The following UNC13B variants were observed in gnomAD, a reference collection of about 807,000 sequenced individuals.
The protein encoded by UNC13B is unc-13 homolog B.
In UNC13B, 144 loss-of-function variants were observed where a neutral mutation model predicts 211.0. That is an observed-to-expected ratio of 0.68 (90% confidence interval 0.60 to 0.78). The LOEUF is 0.78. Ranked by LOEUF, UNC13B falls within the 30% of genes least tolerant of loss-of-function variation. UNC13B has a pLI of 0.00. For missense variants in UNC13B, 1,777 were observed against 2,002.0 expected, an observed-to-expected ratio of 0.89 and a Z score of 2.14; for synonymous variants, 709 against 725.8, an observed-to-expected ratio of 0.98 and a Z score of 0.37.
chr9:35,360,050 T>G (rs1372101860), intron 11 of UNC13B, among the ~76,000 whole-genome samples: 1 of 152,230 alleles, frequency 6.6e-6, no homozygotes, highest in Non-Finnish European at 1.5e-5. Flanking sequence ...CACCTCAGGC[T>G]TTGCATTTGC....
At chr9:35,284,902 T>G (rs548919587) in intron 7 of UNC13B, among the ~76,000 whole-genome samples, 21 of 152,360 alleles carry the variant, frequency 1.4e-4, no homozygotes, top group Admixed American at 1.1e-3. Context: ...TAGCCAGTAC[T>G]GGACTACTAA....
At chr9:35,349,105 A>AG (rs1244745241) in intron 11 of UNC13B, among the ~76,000 whole-genome samples, 1 of 152,040 alleles carries the variant, frequency 6.6e-6, no homozygotes, top group Non-Finnish European at 1.5e-5. Flanking sequence ...TTTAATAGAG[A>AG]GGGGGTTTCA....
intron 1 of UNC13B, among the ~76,000 whole-genome samples, chr9:35,222,031 C>T (rs574468591): frequency 6.6e-6 from 1 of 152,218 alleles, no homozygotes; most frequent in South Asian, 2.1e-4. Context: ...CTTTTTATGC[C>T]AATACCACAC....
chr9:35,332,144 GC>G (rs1831408895), intron 11 of UNC13B, among the ~76,000 whole-genome samples: 2 of 152,048 alleles, frequency 1.3e-5, no homozygotes, highest in Non-Finnish European at 2.9e-5. Context: ...ACCACGTCTG[GC>G]TAATTTGTTT....
rs771716095 is a variant in UNC13B at position 35,399,209 on chromosome 9, A to C, written c.12123A>C (p.Val4041=). The change falls in exon 34 of 40, where the codon GTA becomes GTC. Residue 4041 remains valine (V), a synonymous_variant. Coordinates refer to ENST00000635942, the MANE Select transcript of UNC13B (RefSeq NM_001371189.2). ...GTGAGAAGACGGTTCTGAAGCGTGTACTGAAGGAGCTCTGGCGCGTGGTGA... is the reference window on the plus strand; with the variant it reads ...GTGAGAAGACGGTTCTGAAGCGTGTCCTGAAGGAGCTCTGGCGCGTGGTGA... ...TVCEKTVLKR[V]LKELWRVVMN... The C allele has an allele frequency of 7.4e-6, 12 of 1,614,146 alleles. No individual in the cohort carries two copies. In the South Asian group the frequency reaches 1.3e-4, roughly 18 times the overall value.
intron 1 of UNC13B, among the ~76,000 whole-genome samples, chr9:35,163,305 A>G (rs1820873177): frequency 6.6e-6 from 1 of 152,182 alleles, no homozygotes; most frequent in Non-Finnish European, 1.5e-5. Context: ...TTTTGGCTCT[A>G]CAGATTAGAA....
chr9:35,256,048 C>T (rs1423061865), intron 6 of UNC13B, among the ~76,000 whole-genome samples: 3 of 152,096 alleles, frequency 2.0e-5, no homozygotes, highest in Non-Finnish European at 4.4e-5. Context: ...TCATACTTTC[C>T]TTAGTTATGA....
At chr9:35,178,568 A>G (rs1821764575) in intron 1 of UNC13B, among the ~76,000 whole-genome samples, 1 of 152,008 alleles carries the variant, frequency 6.6e-6, no homozygotes, top group Admixed American at 6.6e-5. Context: ...CATGTCATTG[A>G]TTGTAAGATT....
At chr9:35,241,945 C>A (rs2381303) in intron 5 of UNC13B, among the ~76,000 whole-genome samples, 149,690 of 152,322 alleles carry the variant, frequency 0.98, 73,599 homozygotes, top group East Asian at 1. Context: ...CAGGTGGAAC[C>A]AAGGAGAAAG....
intron 11 of UNC13B, among the ~76,000 whole-genome samples, chr9:35,323,544 C>T (rs1422336507): frequency 6.6e-6 from 1 of 152,216 alleles, no homozygotes; most frequent in Non-Finnish European, 1.5e-5. Flanking sequence ...GTGACCTTCC[C>T]TGGCCCTAGC....
At chr9:35,163,843 T>C (rs1820897490) in intron 1 of UNC13B, among the ~76,000 whole-genome samples, 3 of 152,244 alleles carry the variant, frequency 2.0e-5, no homozygotes, top group Admixed American at 2.0e-4. Context: ...AAGTTTCTTC[T>C]TTTTTGAATC....
intron 7 of UNC13B, among the ~76,000 whole-genome samples, chr9:35,276,141 A>G (rs972435152): frequency 6.6e-6 from 1 of 152,062 alleles, no homozygotes; most frequent in Admixed American, 6.5e-5. Context: ...CCCGATCTCT[A>G]CAAAAAATAC....
intron 1 of UNC13B, among the ~76,000 whole-genome samples, chr9:35,212,205 T>G (rs1824005424): frequency 6.6e-6 from 1 of 152,224 alleles, no homozygotes; most frequent in South Asian, 2.1e-4. Flanking sequence ...ATAACTTTTC[T>G]ATGCATTAGT....
chr9:35,226,228 C>A (rs1435280236), intron 1 of UNC13B, among the ~76,000 whole-genome samples: 1 of 152,062 alleles, frequency 6.6e-6, no homozygotes, highest in Non-Finnish European at 1.5e-5. Context: ...GCTTTAACAG[C>A]CCTCAGGTGA....
rs894674350 is a variant in UNC13B, at chr9:35,237,930, TGAG to T, written c.394+107_394+109del. On this transcript the variant is annotated intron_variant, in intron 5 of 39. Coordinates refer to ENST00000635942, the MANE Select transcript of UNC13B (RefSeq NM_001371189.2). ...ATTTTGTCACCTCAGCCATCTCCTT[TGAG>T]GATATTTTGTCTTCATTCACTCTCT... 3.2e-6 allele frequency: 4 copies of T among 1,248,240 alleles called. No homozygotes were observed. In the African/African-American group the frequency reaches 6.1e-5, roughly 19 times the overall value. 77.3% of individuals were successfully genotyped at this position (1,248,240 alleles called of 1,614,324 possible). A position where few individuals can be genotyped will look rare whatever the true frequency, so the allele number is the denominator to read the frequency against.
chr9:35,343,634 A>G (rs944860206), intron 11 of UNC13B, among the ~76,000 whole-genome samples: 1 of 152,170 alleles, frequency 6.6e-6, no homozygotes, highest in Non-Finnish European at 1.5e-5. Context: ...AGGTGAAAAG[A>G]TGAGTGAAAG....
chr9:35,223,349 A>G (rs1335050223), intron 1 of UNC13B, among the ~76,000 whole-genome samples: 1 of 152,182 alleles, frequency 6.6e-6, no homozygotes, highest in Admixed American at 6.5e-5. Context: ...CATCCAGGCC[A>G]GCATCTGTTA....
chr9:35,280,126 G>A (rs1205691877), intron 7 of UNC13B, among the ~76,000 whole-genome samples: 2 of 152,044 alleles, frequency 1.3e-5, no homozygotes, highest in African/African-American at 4.8e-5. Flanking sequence ...TAATAATATT[G>A]TGGAAGTAGA....
intron 26 of UNC13B, among the ~76,000 whole-genome samples, chr9:35,391,365 G>A (rs1835522676): frequency 6.6e-6 from 1 of 152,144 alleles, no homozygotes; most frequent in Non-Finnish European, 1.5e-5. Flanking sequence ...TTTTATGTGT[G>A]GTAGTCTCTC....
Sources: allele counts gnomAD v4.1 joint callset (sites outside exome capture counted in the v4.1 genomes callset), GRCh38; gene constraint gnomAD v4.1.1; transcripts MANE v1.5; gene names NCBI Gene and HGNC (gene_info 2026-07-23, HGNC 2026-07-21).